PLEKHG1: variants seen among roughly 807,000 people sequenced by gnomAD.
PLEKHG1 encodes pleckstrin homology domain-containing family G member 1.
PLEKHG1 carries 44 observed loss-of-function variants against 100.8 expected under a neutral mutation model. The ratio of observed to expected loss-of-function variants is 0.44; its 90% CI spans 0.34 to 0.56. The LOEUF (loss-of-function observed/expected upper bound fraction) is 0.56. Ranked by LOEUF, PLEKHG1 falls within the 20% of genes least tolerant of loss-of-function variation. The pLI is 0.01. For missense variants in PLEKHG1, 1,545 were observed against 1,720.9 expected (o/e 0.90, Z 1.81); for synonymous variants, 640 against 662.5 (o/e 0.97, Z 0.52).
intron 4 of PLEKHG1, among the ~76,000 whole-genome samples, chr6:150,792,879 G>T (rs1786082579): frequency 6.6e-6 from 1 of 152,120 alleles, no homozygotes. Context: ...GGGACATCTT[G>T]TCACACCAGG....
At chr6:150,615,182 G>T (rs73619650) in intron 1 of PLEKHG1, among the ~76,000 whole-genome samples, 3,817 of 152,260 alleles carry the variant, frequency 0.025, 135 homozygotes, top group African/African-American at 0.085. Flanking sequence ...GCTTAGAAAT[G>T]CCTTTGCGAC....
rs111465875 is a variant in PLEKHG1, at chr6:150,797,209, A to G, written c.629+1307A>G. 2.5e-3 allele frequency among the ~76,000 whole-genome samples: 384 copies of G among 152,294 alleles called. 2 individuals are homozygous for G. The highest frequency in any genetic ancestry group is 8.4e-3 in the African/African-American group (349 of 41,564). On this transcript the variant is annotated intron_variant, in intron 5 of 15. Transcript: ENST00000358517. ...GCTAGGGAGACTTTACACACTCTGTAGCCAGTCTTGGTAGACAGGTCCCTG... is the reference window on the plus strand; with the variant it reads ...GCTAGGGAGACTTTACACACTCTGTGGCCAGTCTTGGTAGACAGGTCCCTG...
At chr6:150,830,672 A>C in exon 15 of PLEKHG1, 2 of 1,614,140 alleles carry the variant, frequency 1.2e-6, no homozygotes, top group Non-Finnish European at 1.7e-6. Flanking sequence ...TACCATGATC[A>C]GCGTGCTTCG....
At position 150,831,987 on chromosome 6, in the gene PLEKHG1, C is replaced by G. The variant is rs1438516469; in HGVS notation, c.2876C>G (p.Pro959Arg). The G allele has an allele frequency of 4.3e-6, 7 of 1,613,400 alleles. No individual in the cohort carries two copies. Among genetic ancestry groups the G allele is most frequent in the African/African-American group, 1.3e-5 (1 of 74,964 alleles). ...AACAGTGGCCTGTCTCAAACAGACC[C>G]AGAAAACCCTGACCTGGGGATGGAG... The change falls in exon 15 of 16, where the codon CCA becomes CGA. Residue 959 changes from proline to arginine, a missense_variant. Physicochemically the swap from Pro to Arg is moderately radical, Grantham distance 103. Transcript: ENST00000358517. This position sits in a 1 kb window ranked among gnomAD's most constrained non-coding sequence, Gnocchi z 4.1.
intron 3 of PLEKHG1, chr6:150,652,164 G>GA (rs1264118417): frequency 6.6e-5 from 10 of 152,056 alleles, no homozygotes; most frequent in African/African-American, 2.4e-4. Flanking sequence ...GTTGGTTCTT[G>GA]AAAAACCACA....
chr6:150,739,342 C>T (rs1053214010), intron 2 of PLEKHG1, among the ~76,000 whole-genome samples: 4 of 151,928 alleles, frequency 2.6e-5, no homozygotes, highest in Admixed American at 2.6e-4. Context: ...TTTTCATGGA[C>T]CTTTATCCAT....
chr6:150,831,223 G>T lies in PLEKHG1; in HGVS notation c.2112G>T (p.Arg704Ser). 6.2e-7 allele frequency: 1 copy of T among 1,614,144 alleles called. No individual in the cohort carries two copies. Among genetic ancestry groups the T allele is most frequent in the Non-Finnish European group, 8.5e-7 (1 of 1,180,020 alleles). Residue 704 changes from arginine to serine, a missense_variant, in exon 15 of 16, where the codon AGG (arginine) becomes AGT (serine). Physicochemically the swap from Arg to Ser is moderately radical, Grantham distance 110. Transcript: ENST00000358517. This position sits in a 1 kb window ranked among gnomAD's most constrained non-coding sequence, Gnocchi z 4.1. ...CCCCAGAGTTAGCCTTCACAAAGAGGCAAGCTGGCCACAGTAAGGGCTCTC... is the reference window on the plus strand; with the variant it reads ...CCCCAGAGTTAGCCTTCACAAAGAGTCAAGCTGGCCACAGTAAGGGCTCTC...
chr6:150,772,997 GA>G (rs1158534227), intron 3 of PLEKHG1, among the ~76,000 whole-genome samples: 1 of 152,068 alleles, frequency 6.6e-6, no homozygotes, highest in African/African-American at 2.4e-5. Flanking sequence ...TGGTTTATTT[GA>G]AAATAAATTG....
intron 1 of PLEKHG1, among the ~76,000 whole-genome samples, chr6:150,613,344 T>C (rs1776929578): frequency 6.6e-6 from 1 of 152,242 alleles, no homozygotes; most frequent in African/African-American, 2.4e-5. Flanking sequence ...ATGTATAGCA[T>C]GTATCAACAC....
At position 150,638,845 on chromosome 6, in the gene PLEKHG1, A is replaced by G. The variant is rs181027338; in HGVS notation, c.-158+720A>G. Among the ~76,000 whole-genome samples, 173 of 152,378 alleles carry G rather than the reference A, an allele frequency of 1.1e-3. 2 individuals carry two copies. The highest frequency in any genetic ancestry group is 3.3e-3 in the East Asian group (17 of 5,190). On this transcript the variant is annotated intron_variant, in intron 2 of 3. Coordinates refer to the PLEKHG1 transcript ENST00000367326. ...TTTATATAGCAGGGAATAGAATTAT[A>G]TAACCTGGATGCATTCCTGAAATTT...
chr6:150,681,722 C>T (rs1263059883), intron 3 of PLEKHG1, among the ~76,000 whole-genome samples: 3 of 152,028 alleles, frequency 2.0e-5, no homozygotes, highest in African/African-American at 2.4e-5. Flanking sequence ...AGCAGAGTCC[C>T]GGTGGTGTCT....
intron 3 of PLEKHG1, among the ~76,000 whole-genome samples, chr6:150,682,763 A>T (rs1443092123): frequency 1.3e-5 from 2 of 152,158 alleles, no homozygotes; most frequent in Non-Finnish European, 2.9e-5. Flanking sequence ...CCCTGAAAGC[A>T]AGAGTGCAGC....
At chr6:150,651,109 C>T (rs182250408) in intron 3 of PLEKHG1, 2 of 152,268 alleles carry the variant, frequency 1.3e-5, no homozygotes, top group East Asian at 1.9e-4. Flanking sequence ...TAACAACACA[C>T]CGTCATAAAA....
At chr6:150,709,024 A>G (rs1781140945) in intron 3 of PLEKHG1, among the ~76,000 whole-genome samples, 1 of 152,166 alleles carries the variant, frequency 6.6e-6, no homozygotes, top group Non-Finnish European at 1.5e-5. Context: ...GACATCTTTC[A>G]CAAATTCTGC....
intron 3 of PLEKHG1, among the ~76,000 whole-genome samples, chr6:150,691,357 A>G (rs1780344992): frequency 6.6e-6 from 1 of 152,178 alleles, no homozygotes; most frequent in Non-Finnish European, 1.5e-5. Context: ...TTAGGAAGGT[A>G]TTTATTTTCA....
intron 1 of PLEKHG1, among the ~76,000 whole-genome samples, chr6:150,618,053 C>T (rs1562386464): frequency 6.6e-6 from 1 of 152,174 alleles, no homozygotes; most frequent in African/African-American, 2.4e-5. Context: ...AAATTATACT[C>T]ATAGAATGTG....
At chr6:150,625,379 C>T (rs576931950) in intron 1 of PLEKHG1, among the ~76,000 whole-genome samples, 6 of 152,208 alleles carry the variant, frequency 3.9e-5, no homozygotes, top group East Asian at 3.9e-4. Context: ...CTCCCTGTGT[C>T]GTTACATGGT....
exon 13 of PLEKHG1, chr6:150,821,205 A>G (rs1309361652): frequency 3.7e-6 from 6 of 1,613,312 alleles, no homozygotes; most frequent in Non-Finnish European, 4.2e-6. Context: ...AACCTTCCTC[A>G]CGGTCACATA....
intron 1 of PLEKHG1, among the ~76,000 whole-genome samples, chr6:150,727,462 G>A (rs1408889639): frequency 6.6e-6 from 1 of 151,994 alleles, no homozygotes; most frequent in African/African-American, 2.4e-5. Flanking sequence ...AATGGAAGTT[G>A]GAAGAGCAAA....
Sources: gnomAD v4.1 joint callset for allele counts (sites outside exome capture counted in the v4.1 genomes callset) on GRCh38, gnomAD v4.1.1 for gene constraint, Gnocchi (gnomAD v3.1) non-coding constraint, MANE v1.5 for transcripts, NCBI Gene and HGNC (gene_info 2026-07-23, HGNC 2026-07-21) for gene names.